PDE5A: variants seen among roughly 807,000 people sequenced by gnomAD.
PDE5A encodes phosphodiesterase 5A.
PDE5A carries 67 observed loss-of-function variants against 110.2 expected under a neutral mutation model. The ratio of observed to expected loss-of-function variants is 0.61; its 90% confidence interval spans 0.50 to 0.75. PDE5A has a LOEUF of 0.75. Ranked by LOEUF, PDE5A falls within the 30% of genes least tolerant of loss-of-function variation. The pLI is 0.00. For missense variants in PDE5A, 862 were observed against 1,045.1 expected (o/e 0.82, Z 2.42); for synonymous variants, 328 against 351.2 (o/e 0.93, Z 0.74).
At chr4:119,586,831 C>G (rs1174590033) in intron 3 of PDE5A, among the ~76,000 whole-genome samples, 1 of 152,140 alleles carries the variant, frequency 6.6e-6, no homozygotes, top group African/African-American at 2.4e-5. Context: ...AAATATAGCA[C>G]TCAGTATGAA....
intron 2 of PDE5A, among the ~76,000 whole-genome samples, chr4:119,606,019 A>G (rs560326715): frequency 6.0e-4 from 92 of 152,358 alleles, no homozygotes; most frequent in African/African-American, 2.0e-3. Context: ...CTAAAATTCC[A>G]TTAATAAAAA....
At chr4:119,505,449 A>T (rs1168206439) in intron 17 of PDE5A, among the ~76,000 whole-genome samples, 2 of 151,904 alleles carry the variant, frequency 1.3e-5, no homozygotes, top group African/African-American at 4.8e-5. Flanking sequence ...CCATGTCTGG[A>T]CCCTGACCTC....
intron 7 of PDE5A, among the ~76,000 whole-genome samples, chr4:119,557,505 G>A (rs779542585): frequency 2.2e-4 from 34 of 152,278 alleles, no homozygotes; most frequent in East Asian, 1.9e-4. Context: ...AATTAGGTAC[G>A]TGGAGCTTGA....
intron 3 of PDE5A, among the ~76,000 whole-genome samples, chr4:119,582,211 C>A (rs1475223372): frequency 1.3e-5 from 2 of 152,200 alleles, no homozygotes; most frequent in African/African-American, 2.4e-5. Flanking sequence ...ATGTAATATT[C>A]TAAATCCTTT....
intron 11 of PDE5A, among the ~76,000 whole-genome samples, chr4:119,530,957 C>T (rs1270191049): frequency 2.6e-5 from 4 of 152,098 alleles, no homozygotes; most frequent in African/African-American, 4.8e-5. Flanking sequence ...ACAACAAATA[C>T]TCCATTGCTG....
At chr4:119,616,599 T>C (rs1227435993) in intron 1 of PDE5A, among the ~76,000 whole-genome samples, 1 of 152,112 alleles carries the variant, frequency 6.6e-6, no homozygotes, top group Non-Finnish European at 1.5e-5. Context: ...GATGATGTTA[T>C]TGTGTGAGTA....
intron 14 of PDE5A, among the ~76,000 whole-genome samples, chr4:119,518,796 T>A (rs181352813): frequency 6.6e-6 from 1 of 152,324 alleles, no homozygotes; most frequent in Admixed American, 6.5e-5. Context: ...TGGATATATA[T>A]AAACTAAAGT....
chr4:119,579,677 C>A (rs1216187529), intron 3 of PDE5A, among the ~76,000 whole-genome samples: 4 of 146,816 alleles, frequency 2.7e-5, no homozygotes, highest in Non-Finnish European at 4.5e-5. Context: ...ACATCACACT[C>A]TGGGGCCTGT....
intron 4 of PDE5A, among the ~76,000 whole-genome samples, 196 bp downstream of exon 4, chr4:119,566,877 C>T (rs1727954403): frequency 6.6e-6 from 1 of 152,210 alleles, no homozygotes; most frequent in East Asian, 1.9e-4. Context: ...TTTCTGCTGA[C>T]TGAATAACAC....
At position 119,521,060 on chromosome 4, in the gene PDE5A, C is replaced by A. The variant is rs150334535; in HGVS notation, c.1780G>T (p.Val594Phe). ...ACACTTAAAATCCATCTGCAAAGAA[C>A]CTTTAGGGAATAAAACATAAGTAGT... Reference protein sequence around the residue: ...LVQNFQMKHEVLCRWILSVKK... With the variant: ...LVQNFQMKHEFLCRWILSVKK... The change falls in exon 13 of 21, where the codon GTT (valine) becomes TTT (phenylalanine). Residue 594 changes from valine (V) to phenylalanine (F), a missense_variant and splice_region_variant. By Grantham distance (50) the Val-to-Phe change is conservative (BLOSUM62 -1). Coordinates refer to ENST00000354960, the MANE Select transcript of PDE5A (RefSeq NM_001083.4). 45 of 1,610,452 alleles carry A rather than the reference C, an allele frequency of 2.8e-5. No individual in the cohort carries two copies. Among genetic ancestry groups the A allele is most frequent in the Non-Finnish European group, 3.6e-5 (43 of 1,178,136 alleles).
chr4:119,504,103 C>G (rs1725473146), intron 18 of PDE5A, among the ~76,000 whole-genome samples: 2 of 152,038 alleles, frequency 1.3e-5, no homozygotes, highest in Non-Finnish European at 2.9e-5. Flanking sequence ...TCTTTTCCCA[C>G]CTTTCCCCCT....
chr4:119,519,941 A>G (rs926062165), intron 13 of PDE5A, among the ~76,000 whole-genome samples: 6 of 152,140 alleles, frequency 3.9e-5, no homozygotes, highest in Non-Finnish European at 7.4e-5. Context: ...AGCACCAATA[A>G]GTCTCAAAGG....
chr4:119,553,762 A>C lies in PDE5A; in HGVS notation c.1200-16T>G, dbSNP rs756350693. The C allele has an allele frequency of 5.5e-6, 7 of 1,278,704 alleles. No individual in the cohort carries two copies. In the Middle Eastern group the frequency reaches 5.5e-4, roughly 100 times the overall value. The allele number at this position is 1,278,704 out of a possible 1,614,324, so 79.2% of individuals were successfully genotyped here. A position where few individuals can be genotyped will look rare whatever the true frequency, so the allele number is the denominator to read the frequency against. On this transcript the variant is annotated splice_polypyrimidine_tract_variant and intron_variant, in intron 7 of 20. Transcript: ENST00000354960. ...ATCATGTTCCCTGTGAAAATAACAG[A>C]TATGAGTTCCCTCTGTGCAGTTAAA...
chr4:119,521,832 CAG>C (rs1726140933), intron 12 of PDE5A, among the ~76,000 whole-genome samples: 2 of 151,934 alleles, frequency 1.3e-5, no homozygotes, highest in African/African-American at 4.8e-5. Flanking sequence ...ATAAAATCCC[CAG>C]AGACTCATGG....
At position 119,627,220 on chromosome 4, in the gene PDE5A, TC is replaced by T; in HGVS notation, c.152+1299del. 6.2e-7 allele frequency: 1 copy of T among 1,610,666 alleles called. No individual in the cohort carries two copies. Among genetic ancestry groups the T allele is most frequent in the African/African-American group, 1.3e-5 (1 of 74,904 alleles). ...TTTTCGAACTCCGCCGATCCTGGAC[TC>T]CAGGAGGCTCCGTAGGGGCAACAAC... On this transcript the variant is annotated intron_variant, in intron 1 of 20. Coordinates refer to ENST00000354960, the MANE Select transcript of PDE5A (RefSeq NM_001083.4). This position sits in a 1 kb window ranked among gnomAD's most constrained non-coding sequence, Gnocchi z 4.6.
chr4:119,575,816 T>G (rs912083576), intron 3 of PDE5A, among the ~76,000 whole-genome samples: 5 of 152,116 alleles, frequency 3.3e-5, no homozygotes, highest in African/African-American at 1.2e-4. Context: ...ATAATGACAG[T>G]ATCAAATTCA....
chr4:119,621,586 G>T (rs1420611964), intron 1 of PDE5A, among the ~76,000 whole-genome samples: 1 of 152,060 alleles, frequency 6.6e-6, no homozygotes, highest in Non-Finnish European at 1.5e-5. Flanking sequence ...TGCAAGGAAG[G>T]GCAGGTAAAC....
At chr4:119,529,542 G>A (rs888014162) in intron 11 of PDE5A, among the ~76,000 whole-genome samples, 2 of 152,096 alleles carry the variant, frequency 1.3e-5, no homozygotes, top group East Asian at 1.9e-4. Flanking sequence ...TATTTTGGGG[G>A]GACGTGACTC....
At chr4:119,555,186 T>C (rs768665521) in intron 7 of PDE5A, among the ~76,000 whole-genome samples, 5 of 152,194 alleles carry the variant, frequency 3.3e-5, no homozygotes, top group Admixed American at 6.5e-5. Context: ...TTACTTTAAG[T>C]GTAATTTGGT....
Sources: gnomAD v4.1 joint callset for allele counts (sites outside exome capture counted in the v4.1 genomes callset) on GRCh38, gnomAD v4.1.1 for gene constraint, Gnocchi (gnomAD v3.1) non-coding constraint, MANE v1.5 for transcripts, NCBI Gene and HGNC (gene_info 2026-07-23, HGNC 2026-07-21) for gene names.